Variants in MYOF observed in about 807,000 individuals in gnomAD.
MYOF encodes fer-1-like 3, myoferlin.
A neutral mutation model predicts 284.2 loss-of-function variants in MYOF; 244 were observed. The observed-to-expected ratio is 0.86, with a 90% CI of 0.77 to 0.95. The LOEUF (loss-of-function observed/expected upper bound fraction) is 0.95. MYOF is among the 40% of genes least tolerant of loss of function. MYOF has a pLI of 0.00. For synonymous variants in MYOF, 904 were observed against 919.7 expected (o/e 0.98, Z 0.31); for missense variants, 2,496 against 2,560.6 (o/e 0.97, Z 0.54).
At chr10:93,470,228 C>CA (rs1284508641) in intron 1 of MYOF, among the ~76,000 whole-genome samples, 1,160 of 74,956 alleles carry the variant, frequency 0.015, 12 homozygotes, top group East Asian at 0.041. Flanking sequence ...GACTCCATCT[C>CA]AAAAAAAAAA....
At chr10:93,433,505 T>G (rs1848966733) in intron 3 of MYOF, among the ~76,000 whole-genome samples, 1 of 152,214 alleles carries the variant, frequency 6.6e-6, no homozygotes, top group African/African-American at 2.4e-5. Context: ...CCTGTCTACA[T>G]CGGCACTGAC....
intron 18 of MYOF, 50 bp from the exon 19 acceptor site, chr10:93,387,963 G>T (rs1269663748): frequency 4.9e-6 from 7 of 1,430,988 alleles, no homozygotes; most frequent in Non-Finnish European, 6.9e-6. Flanking sequence ...ACAGCAAAAA[G>T]AATTCTGTGT....
At chr10:93,341,987 T>A in intron 38 of MYOF, 1 of 1,289,226 alleles carries the variant, frequency 7.8e-7, no homozygotes, top group East Asian at 5.6e-5. Context: ...TGGAAGGTAA[T>A]TGTTGAGATG....
At position 93,329,713 on chromosome 10, in the gene MYOF, A is replaced by T; in HGVS notation, c.4933T>A (p.Phe1645Ile). 1 of 1,614,242 alleles carries T rather than the reference A, an allele frequency of 6.2e-7. No individual in the cohort carries two copies. Among genetic ancestry groups the T allele is most frequent in the African/African-American group, 1.3e-5 (1 of 75,058 alleles). ...CAGTGGGACCCAAAGCGGGAAAGGA[A>T]TCGGTTTTCCAGATCAATAATTGTT... The part of the protein sequence containing the change: ...GETIIDLENR[F>I]LSRFGSHCGI... Residue 1645 changes from phenylalanine (F) to isoleucine (I), a missense_variant, in exon 44 of 54, where the codon TTC (phenylalanine) becomes ATC (isoleucine). Phe to Ile is a conservative substitution (Grantham distance 21). Around this residue, in one of 3 missense-constraint regions of MYOF, gnomAD observed 2,436 missense variants for 2,480.7 expected, o/e 0.98. Transcript: ENST00000359263.
chr10:93,370,965 TAG>T (rs1845560831), intron 24 of MYOF, among the ~76,000 whole-genome samples: 1 of 152,152 alleles, frequency 6.6e-6, no homozygotes, highest in African/African-American at 2.4e-5. Context: ...CGTAAAATAA[TAG>T]AGTGTTGGAA....
intron 17 of MYOF, among the ~76,000 whole-genome samples, chr10:93,390,108 T>C (rs1428261902): frequency 6.6e-6 from 1 of 152,236 alleles, no homozygotes; most frequent in African/African-American, 2.4e-5. Flanking sequence ...CTGCTATCGA[T>C]GAGGTTGACC....
In MYOF at chr10:93,431,324, C is replaced by T. The variant is rs1053237586; in HGVS notation, c.345+84G>A. On this transcript the variant is annotated intron_variant, in intron 4 of 53. Coordinates refer to ENST00000359263, the MANE Select transcript of MYOF (RefSeq NM_013451.4). ...CTGGGATTACAGGTGTGAGCCACCA[C>T]GCCCGGCCTTAGACCTTTTTCTTAA... is the stretch of plus-strand genomic sequence containing the variant. 92 of 1,180,052 alleles carry T rather than the reference C, an allele frequency of 7.8e-5. No individual in the cohort carries two copies. The East Asian group carries it at 1.8e-3, about 22-fold the overall frequency. 73.1% of individuals were successfully genotyped at this position (1,180,052 alleles called of 1,614,324 possible).
chr10:93,372,802 G>A, intron 24 of MYOF, 128 bp downstream of exon 24: 4 of 1,139,646 alleles, frequency 3.5e-6, no homozygotes, highest in Non-Finnish European at 3.8e-6. Context: ...AGAGGGACCA[G>A]GATGGGCTAG....
At chr10:93,427,082 T>A (rs1448862444) in intron 4 of MYOF, among the ~76,000 whole-genome samples, 1 of 150,538 alleles carries the variant, frequency 6.6e-6, no homozygotes, top group East Asian at 2.0e-4. Context: ...GAGATGGGGT[T>A]TCATCTTGTT....
At chr10:93,311,455 C>CAAAA (rs11397640) in intron 51 of MYOF, among the ~76,000 whole-genome samples, 5 of 129,684 alleles carry the variant, frequency 3.9e-5, no homozygotes, top group African/African-American at 8.5e-5. Flanking sequence ...ACTAAAAATA[C>CAAAA]AAAAAAAAAA....
At chr10:93,330,789 C>T (rs972824228) in intron 43 of MYOF, among the ~76,000 whole-genome samples, 2 of 152,166 alleles carry the variant, frequency 1.3e-5, no homozygotes, top group African/African-American at 4.8e-5. Context: ...CTTCTCCTTG[C>T]ACTCTGGTGT....
intron 21 of MYOF, 99 bp from the exon 22 acceptor site, chr10:93,377,528 G>A (rs1845891024): frequency 7.9e-6 from 7 of 880,850 alleles, no homozygotes; most frequent in Non-Finnish European, 1.0e-5. Context: ...AAATATTTTT[G>A]TATATTCAAA....
chr10:93,478,222 A>G (rs769664046), intron 1 of MYOF: 10 of 347,288 alleles, frequency 2.9e-5, no homozygotes, highest in Non-Finnish European at 5.2e-5. Context: ...ATCAAGTCTC[A>G]GAGTTGAAAT....
At chr10:93,380,182 A>T (rs1846048263) in intron 20 of MYOF, among the ~76,000 whole-genome samples, 195 bp from the exon 21 acceptor site, 1 of 152,126 alleles carries the variant, frequency 6.6e-6, no homozygotes, top group Non-Finnish European at 1.5e-5. Flanking sequence ...CTGTTCTGAA[A>T]TTTTCTCTGA....
rs1845075034 is a variant in MYOF, at chr10:93,361,563, A to G, written c.2869-6T>C. On this transcript the variant is annotated splice_polypyrimidine_tract_variant and splice_region_variant and intron_variant, in intron 27 of 53. Coordinates refer to ENST00000359263, the MANE Select transcript of MYOF (RefSeq NM_013451.4). ...GATGCTGCTTTATCGCCGTTCTTAC[A>G]AAACAAAAATAAAAACAAAGAAGAG... The G allele has an allele frequency of 6.2e-7, 1 of 1,614,180 alleles. No homozygotes were observed. Among genetic ancestry groups the G allele is most frequent in the African/African-American group, 1.3e-5 (1 of 75,066 alleles).
In MYOF at chr10:93,402,346, G is replaced by C. The variant is rs181979817; in HGVS notation, c.876C>G (p.Gly292=). ...GAAGCCACTTTCTCATGACAGCATG[G>C]CCTAAAATAGAGAAGGAGTAAAAGG... ...IDVGFVYDEP[G]HAVMRKWLLL... Residue 292 remains glycine, a splice_region_variant and synonymous_variant, in exon 11 of 54, where the codon GGC becomes GGG. Coordinates refer to ENST00000359263, the MANE Select transcript of MYOF (RefSeq NM_013451.4). 2 of 1,609,894 alleles carry C rather than the reference G, an allele frequency of 1.2e-6. No homozygotes were observed. The highest frequency in any genetic ancestry group is 1.7e-5 in the Admixed American group (1 of 59,998).
intron 41 of MYOF, among the ~76,000 whole-genome samples, chr10:93,335,562 T>C (rs995704197): frequency 1.3e-5 from 2 of 152,034 alleles, no homozygotes; most frequent in Non-Finnish European, 2.9e-5. Context: ...TTGGAGAGAC[T>C]GTATCTTAGG....
chr10:93,446,414 C>T lies in MYOF; in HGVS notation c.236+5636G>A, dbSNP rs559817791. ...TATTAGCAGCTATTATAGCATCACC[C>T]GATTAATTTCTCAGAAAGTGCCTTG... is the stretch of plus-strand genomic sequence containing the variant. On this transcript the variant is annotated intron_variant, in intron 3 of 53. Transcript: ENST00000359263. Among the ~76,000 whole-genome samples the T allele has an allele frequency of 5.5e-4, 83 of 152,224 alleles. 1 individual carries two copies. Among genetic ancestry groups the T allele is most frequent in the Middle Eastern group, 6.8e-3 (2 of 294 alleles).
chr10:93,310,262 T>G, intron 52 of MYOF, 95 bp from the exon 53 acceptor site: 1 of 1,463,456 alleles, frequency 6.8e-7, no homozygotes, highest in South Asian at 1.3e-5. Context: ...AAGAATCACA[T>G]TAATAAGGTC....
Sources: gnomAD v4.1 joint callset for allele counts (sites outside exome capture counted in the v4.1 genomes callset) on GRCh38, gnomAD v4.1.1 for gene constraint, gnomAD v4.1.1 regional missense constraint, MANE v1.5 for transcripts, NCBI Gene and HGNC (gene_info 2026-07-23, HGNC 2026-07-21) for gene names.